The following LINC00632 variants were observed in gnomAD, a reference collection of about 807,000 sequenced individuals.
The protein encoded by LINC00632 is long independently transcribed non-coding RNA 632, also known as ALDOA related specific transcript.
chrX:140,771,966 C>T (rs1269900517), intron 3 of LINC00632: 6 of 196,825 alleles, frequency 3.0e-5, no homozygotes, highest in East Asian at 2.6e-4. Context: ...AGGCGTGAGC[C>T]ACCATGCCCG....
exon 5 of LINC00632, chrX:140,784,168 GGTCTTCCAGGAAATCCGT>G: frequency 3.3e-6 from 4 of 1,210,146 alleles, no homozygotes; most frequent in East Asian, 3.0e-5. Context: ...GAAAAATCCA[GGTCTTCCAGGAAATCCGT>G]GTCTTCCAGC....
chrX:140,750,451 A>G (rs1754310629), intron 3 of LINC00632, among the ~76,000 whole-genome samples: 1 of 110,839 alleles, frequency 9.0e-6, no homozygotes, highest in Admixed American at 9.6e-5. Flanking sequence ...ACATATGTTA[A>G]TTAGTTAACA....
chrX:140,751,202 C>T (rs1931405961), intron 3 of LINC00632, among the ~76,000 whole-genome samples: 1 of 110,607 alleles, frequency 9.0e-6, no homozygotes, highest in East Asian at 2.8e-4. Context: ...AATCTCAATA[C>T]CGTTTTCCAT....
At position 140,770,392 on chromosome X, in the gene LINC00632, C is replaced by T. The variant is rs993773588; in HGVS notation, n.192-1686C>T. 2.7e-5 allele frequency among the ~76,000 whole-genome samples: 3 copies of T among 111,732 alleles called. No individual in the cohort carries two copies. The Admixed American group carries it at 2.9e-4, about 11-fold the overall frequency. On this transcript the variant is annotated intron_variant and non_coding_transcript_variant, in intron 3 of 4. Transcript: ENST00000648200. ...TGCTAATTATAATGCCCACCAAGCA[C>T]CTGGATTTAAAAATTGGTAACTATT...
chrX:140,723,647 T>TACACACACACATTCCAC (rs1930801134), intron 2 of LINC00632, among the ~76,000 whole-genome samples: 1 of 5,986 alleles, frequency 1.7e-4, no homozygotes, highest in Non-Finnish European at 3.4e-4. Flanking sequence ...ACACATTCCA[T>TACACACACACATTCCAC]ACACACACAC....
chrX:140,714,054 C>T, intron 2 of LINC00632: 1 of 231,193 alleles, frequency 4.3e-6, no homozygotes, highest in South Asian at 5.3e-5. Context: ...CAAACAGACT[C>T]TCCCCAGGGC....
intron 3 of LINC00632, among the ~76,000 whole-genome samples, chrX:140,755,554 T>C (rs1373927475): frequency 8.9e-6 from 1 of 112,233 alleles, no homozygotes; most frequent in Non-Finnish European, 1.9e-5. Context: ...TTTTCCACAC[T>C]TTGCACGGTG....
chrX:140,767,452 T>A (rs1931710335), intron 3 of LINC00632, among the ~76,000 whole-genome samples: 1 of 112,046 alleles, frequency 8.9e-6, no homozygotes, highest in Non-Finnish European at 1.9e-5. Flanking sequence ...TGTTTAGCTC[T>A]AGAGCTGCTT....
chrX:140,724,117 CACACATTCCATACACAG>C (rs774883698), intron 2 of LINC00632, among the ~76,000 whole-genome samples: 1,247 of 55,984 alleles, frequency 0.022, 10 homozygotes, highest in Non-Finnish European at 0.036. Context: ...CATATACACA[CACACATTCCATACACAG>C]ACACATTCCA....
intron 3 of LINC00632, among the ~76,000 whole-genome samples, chrX:140,750,528 A>G (rs1045023363): frequency 1.8e-5 from 2 of 111,426 alleles, no homozygotes; most frequent in African/African-American, 6.5e-5. Context: ...CACTGTATAC[A>G]TGTTTCAATA....
chrX:140,727,408 C>A (rs752580011), intron 2 of LINC00632, among the ~76,000 whole-genome samples: 206 of 111,654 alleles, frequency 1.8e-3, no homozygotes, highest in Non-Finnish European at 3.2e-3. Context: ...TTTCCTGTCT[C>A]AGCCTCCTGA....
At chrX:140,750,379 T>A (rs1336241330) in intron 3 of LINC00632, among the ~76,000 whole-genome samples, 1 of 110,668 alleles carries the variant, frequency 9.0e-6, no homozygotes, top group African/African-American at 3.3e-5. Context: ...TATTGTATTC[T>A]TGAAAATTGT....
At chrX:140,730,524 G>T (rs1931040060) in intron 2 of LINC00632, among the ~76,000 whole-genome samples, 2 of 109,566 alleles carry the variant, frequency 1.8e-5, no homozygotes, top group Admixed American at 2.0e-4. Context: ...CGAGAAACTA[G>T]CCCCAGAACA....
At chrX:140,772,043 C>A (rs959123955) in intron 3 of LINC00632, 7 of 279,925 alleles carry the variant, frequency 2.5e-5, no homozygotes, top group Non-Finnish European at 4.3e-5. Flanking sequence ...CTGTTCCTGA[C>A]CTCATTTCCT....
At chrX:140,747,913 C>T (rs1220850652) in intron 3 of LINC00632, among the ~76,000 whole-genome samples, 2 of 111,725 alleles carry the variant, frequency 1.8e-5, no homozygotes, top group East Asian at 2.8e-4. Context: ...CTGCAACCTC[C>T]GCCTCCTGGG....
At chrX:140,763,172 G>A (rs1440054293) in intron 3 of LINC00632, among the ~76,000 whole-genome samples, 1 of 111,730 alleles carries the variant, frequency 9.0e-6, no homozygotes, top group Admixed American at 9.5e-5. Flanking sequence ...AAGGCGGGCA[G>A]ATCACCTGAG....
intron 3 of LINC00632, among the ~76,000 whole-genome samples, chrX:140,762,985 AAC>A (rs1483514018): frequency 8.9e-5 from 10 of 112,129 alleles, no homozygotes; most frequent in Non-Finnish European, 1.7e-4. Context: ...TAACTCTCAT[AAC>A]ACATATTTCA....
chrX:140,771,647 A>G (rs1931796538), intron 3 of LINC00632, among the ~76,000 whole-genome samples: 1 of 74,718 alleles, frequency 1.3e-5, no homozygotes, highest in Non-Finnish European at 2.4e-5. Context: ...ACACACACAT[A>G]CATATATGTG....
At chrX:140,764,361 C>CGGGGGGG (rs1403155148) in intron 3 of LINC00632, among the ~76,000 whole-genome samples, 1 of 2,325 alleles carries the variant, frequency 4.3e-4, no homozygotes. Flanking sequence ...GGGGCGGGGG[C>CGGGGGGG]GGGGGTGGGG....
Sources: allele counts gnomAD v4.1 joint callset (sites outside exome capture counted in the v4.1 genomes callset), GRCh38; gene constraint gnomAD v4.1.1; transcripts MANE v1.5; gene names NCBI Gene and HGNC (gene_info 2026-07-23, HGNC 2026-07-21).